Variants in PCBP3 observed in about 807,000 individuals in gnomAD.
PCBP3 encodes poly(rC)-binding protein 3.
Under a neutral mutation model 52.7 loss-of-function variants are expected in PCBP3, and 25 were observed. That is an observed-to-expected ratio of 0.47 (90% CI 0.35 to 0.66). The LOEUF is 0.66. Ranked by LOEUF, PCBP3 falls within the 30% of genes least tolerant of loss-of-function variation. PCBP3 has a pLI of 0.01. For missense variants in PCBP3, 391 were observed against 490.3 expected, an observed-to-expected ratio of 0.80 and a Z score of 1.91; for synonymous variants, 162 against 183.0, an observed-to-expected ratio of 0.89 and a Z score of 0.93.
chr21:45,655,708 C>T (rs990328872), intron 1 of PCBP3, among the ~76,000 whole-genome samples: 6 of 152,240 alleles, frequency 3.9e-5, no homozygotes, highest in East Asian at 3.9e-4. Flanking sequence ...AAACTATCAT[C>T]AGAGTGAACA....
At position 45,648,093 on chromosome 21, in the gene PCBP3, C is replaced by T. The variant is rs75556258; in HGVS notation, c.-279+4225C>T. On this transcript the variant is annotated intron_variant, in intron 1 of 17. Coordinates refer to ENST00000681687, the MANE Select transcript of PCBP3 (RefSeq NM_001384156.1). ...GAAAAGGCAAGAAAAGGGATTCTGT[C>T]CCCTAGAGACTTGGGAAAGGAATGC... Among the ~76,000 whole-genome samples, 262 of 152,282 alleles carry T rather than the reference C, an allele frequency of 1.7e-3. 1 individual carries two copies. The highest frequency in any genetic ancestry group is 5.5e-3 in the Admixed American group (84 of 15,296).
At chr21:45,683,062 A>G (rs1017751904) in intron 2 of PCBP3, among the ~76,000 whole-genome samples, 2 of 144,398 alleles carry the variant, frequency 1.4e-5, no homozygotes, top group Admixed American at 6.8e-5. Context: ...GTCATCAATC[A>G]GAGAGCTAGG....
At chr21:45,900,717 C>T in intron 8 of PCBP3, 94 bp downstream of exon 8, 1 of 1,009,716 alleles carries the variant, frequency 9.9e-7, no homozygotes, top group Non-Finnish European at 1.6e-6. Flanking sequence ...TGCCTGTGCT[C>T]TTGGCCAGCC....
At position 45,861,013 on chromosome 21, in the gene PCBP3, C is replaced by T. The variant is rs576343681; in HGVS notation, c.10+10918C>T. 7.9e-5 allele frequency among the ~76,000 whole-genome samples: 12 copies of T among 152,334 alleles called. No homozygotes were observed. In the East Asian group the frequency reaches 9.7e-4, roughly 12 times the overall value. On this transcript the variant is annotated intron_variant, in intron 5 of 17. Coordinates refer to ENST00000681687, the MANE Select transcript of PCBP3 (RefSeq NM_001384156.1). Reference sequence around the variant, plus strand: ...TGGGCTCTTGGCGGCACTGAGCCAGCGGCTCCTCCTGCCCATCCTGGGCCC... The same window carrying T: ...TGGGCTCTTGGCGGCACTGAGCCAGTGGCTCCTCCTGCCCATCCTGGGCCC...
At chr21:45,691,335 G>T (rs1037731014) in intron 2 of PCBP3, among the ~76,000 whole-genome samples, 28 of 149,580 alleles carry the variant, frequency 1.9e-4, no homozygotes, top group East Asian at 1.6e-3. Context: ...ATGAAAAGGG[G>T]TACCAGAGCC....
Position 45,675,447 on chromosome 21 carries a change from T to G in PCBP3, c.-200+6495T>G, listed in dbSNP as rs140064682. On this transcript the variant is annotated intron_variant, in intron 2 of 17. Transcript: ENST00000681687. ...TTAGGCAAAGAACCAGATTGGACTA[T>G]GAAGCCGGAAGGGAGCTTATAACTT... 3.2e-4 allele frequency among the ~76,000 whole-genome samples: 49 copies of G among 152,344 alleles called. 1 individual carries two copies. Among genetic ancestry groups the G allele is most frequent in the Middle Eastern group, 3.4e-3 (1 of 294 alleles).
At chr21:45,859,928 T>G (rs1454417626) in intron 5 of PCBP3, among the ~76,000 whole-genome samples, 1 of 152,204 alleles carries the variant, frequency 6.6e-6, no homozygotes, top group Non-Finnish European at 1.5e-5. Context: ...GCCGCTCCAC[T>G]GTAAAACCAC....
intron 4 of PCBP3, among the ~76,000 whole-genome samples, chr21:45,811,066 A>T (rs2092674605): frequency 6.6e-6 from 1 of 151,578 alleles, no homozygotes. Flanking sequence ...GTGTTTTTCC[A>T]TTTTTTTGTA....
intron 3 of PCBP3, among the ~76,000 whole-genome samples, chr21:45,748,938 G>A (rs1267716264): frequency 6.6e-6 from 1 of 152,186 alleles, no homozygotes; most frequent in Non-Finnish European, 1.5e-5. Context: ...TGTGAGACTG[G>A]GTCTCCTGAC....
rs1011058530 is a variant in PCBP3 at position 45,737,121 on chromosome 21, C to T, written c.-162+1692C>T. On this transcript the variant is annotated intron_variant, in intron 3 of 17. Transcript: ENST00000681687. The surrounding 1 kb of genome is among the most constrained non-coding windows in gnomAD (Gnocchi z 4.9). ...GCTGCGGGGCAGGAGGTGAGAGTGCCGCGGGTTAGGAGGTGAGGGTGCAGC... is the reference window on the plus strand; with the variant it reads ...GCTGCGGGGCAGGAGGTGAGAGTGCTGCGGGTTAGGAGGTGAGGGTGCAGC... 6.6e-6 allele frequency among the ~76,000 whole-genome samples: 1 copy of T among 151,896 alleles called. No homozygotes were observed. The highest frequency in any genetic ancestry group is 2.4e-5 in the African/African-American group (1 of 41,356).
chr21:45,771,383 A>G (rs552064675), intron 4 of PCBP3, among the ~76,000 whole-genome samples: 1 of 152,358 alleles, frequency 6.6e-6, no homozygotes, highest in African/African-American at 2.4e-5. Context: ...TTGACCAGAC[A>G]TTTAGCATTA....
chr21:45,925,944 C>G (rs1318103680), intron 13 of PCBP3, among the ~76,000 whole-genome samples: 1 of 152,206 alleles, frequency 6.6e-6, no homozygotes, highest in East Asian at 1.9e-4. Flanking sequence ...CACCCGTGAT[C>G]CTGACGTGAT....
rs1232913489 is a variant in PCBP3, at chr21:45,930,857, C to T, written c.856+12C>T. On this transcript the variant is annotated intron_variant, in intron 15 of 17. Transcript: ENST00000681687. ...GGGCCAGTCATCAGGTAACACAAAG[C>T]CACACTGACAGGAGAACAGGCCAGG... 1 of 1,606,064 alleles carries T rather than the reference C, an allele frequency of 6.2e-7. No homozygotes were observed. Among genetic ancestry groups the T allele is most frequent in the East Asian group, 2.2e-5 (1 of 44,884 alleles).
intron 2 of PCBP3, among the ~76,000 whole-genome samples, chr21:45,684,598 C>T (rs530528354): frequency 6.6e-6 from 1 of 152,236 alleles, no homozygotes; most frequent in Non-Finnish European, 1.5e-5. Flanking sequence ...CTTCCCTGCT[C>T]CTTGCTTTCT....
intron 5 of PCBP3, among the ~76,000 whole-genome samples, chr21:45,868,404 ATTTG>A (rs1395407344): frequency 3.1e-5 from 3 of 98,258 alleles, no homozygotes; most frequent in Non-Finnish European, 6.1e-5. Flanking sequence ...GTGTTGACTT[ATTTG>A]TTCTTTTTTT....
intron 5 of PCBP3, chr21:45,872,257 A>C (rs973408747): frequency 6.6e-6 from 1 of 152,206 alleles, no homozygotes; most frequent in African/African-American, 2.4e-5. Flanking sequence ...GGTGGTTCTC[A>C]AGTAATCGGA....
chr21:45,921,310 C>T (rs1469979794), intron 13 of PCBP3, among the ~76,000 whole-genome samples: 2 of 151,838 alleles, frequency 1.3e-5, no homozygotes, highest in Non-Finnish European at 2.9e-5. Context: ...ACCACAGTGC[C>T]GGCTTATATA....
intron 5 of PCBP3, among the ~76,000 whole-genome samples, chr21:45,867,482 C>T (rs1373090633): frequency 6.6e-6 from 1 of 152,248 alleles, no homozygotes; most frequent in Non-Finnish European, 1.5e-5. Flanking sequence ...CCCTGCTACC[C>T]GCATTCACCG....
intron 4 of PCBP3, among the ~76,000 whole-genome samples, chr21:45,820,506 C>T (rs2093100963): frequency 6.6e-6 from 1 of 152,350 alleles, no homozygotes; most frequent in Non-Finnish European, 1.5e-5. Context: ...GGCTTGGGTT[C>T]TGCGGGCCAC....
Sources: allele counts gnomAD v4.1 joint callset (sites outside exome capture counted in the v4.1 genomes callset), GRCh38; gene constraint gnomAD v4.1.1; non-coding constraint Gnocchi (gnomAD v3.1); transcripts MANE v1.5; gene names NCBI Gene and HGNC (gene_info 2026-07-23, HGNC 2026-07-21).